The following CAPN9 variants were observed in gnomAD, a reference collection of about 807,000 sequenced individuals.
CAPN9 encodes the protein calpain-9.
Under a neutral mutation model 92.8 loss-of-function variants are expected in CAPN9, and 81 were observed. The observed-to-expected ratio is 0.87, with a 90% confidence interval of 0.73 to 1.05. CAPN9 has a LOEUF of 1.05. CAPN9 is among the 50% of genes least tolerant of loss of function. CAPN9 has a pLI of 0.00. For missense variants in CAPN9, 848 were observed against 866.2 expected, an observed-to-expected ratio of 0.98 and a Z score of 0.26; for synonymous variants, 304 against 328.0, an observed-to-expected ratio of 0.93 and a Z score of 0.79.
chr1:230,752,921 C>T (rs1376901383), intron 1 of CAPN9, among the ~76,000 whole-genome samples: 1 of 152,194 alleles, frequency 6.6e-6, no homozygotes, highest in African/African-American at 2.4e-5. Flanking sequence ...AACCCTACTG[C>T]TGAGCGGGGC....
intron 18 of CAPN9, among the ~76,000 whole-genome samples, chr1:230,797,334 A>T (rs1668421490): frequency 6.6e-6 from 1 of 152,172 alleles, no homozygotes. Context: ...CAGCTGATAG[A>T]CTTGTTTTTA....
intron 4 of CAPN9, among the ~76,000 whole-genome samples, chr1:230,765,102 G>C (rs1665887273): frequency 6.6e-6 from 1 of 151,844 alleles, no homozygotes. Flanking sequence ...GCTGATTCTA[G>C]GACTGGGGCA....
In CAPN9 at chr1:230,762,740, G is replaced by A. The variant is rs28359632; in HGVS notation, c.490G>A (p.Asp164Asn). ...RDRLVFLHSA[D>N]HNEFWSALLE... is the part of the protein sequence containing the mutation. ...CCGCTTGGTTTTCCTCCACTCTGCC[G>A]ACCACAACGAGTTCTGGAGCGCCTT... Residue 164 changes from aspartate to asparagine, a missense_variant, in exon 4 of 20, where the codon GAC becomes AAC. Physicochemically the swap from Asp to Asn is conservative, Grantham distance 23 (BLOSUM62 1). Coordinates refer to ENST00000271971, the MANE Select transcript of CAPN9 (RefSeq NM_006615.3). The A allele has an allele frequency of 2.9e-3, 4,718 of 1,614,074 alleles. 58 individuals are homozygous for A. The African/African-American group carries it at 0.034, about 12-fold the overall frequency.
intron 4 of CAPN9, among the ~76,000 whole-genome samples, chr1:230,764,511 G>A (rs944849879): frequency 2.6e-5 from 4 of 152,194 alleles, no homozygotes; most frequent in Admixed American, 1.3e-4. Flanking sequence ...CTTGGCGTCC[G>A]TAACTATGAG....
At chr1:230,790,095 C>T (rs907237900) in intron 13 of CAPN9, 37 bp from the exon 14 acceptor site, 2 of 1,544,632 alleles carry the variant, frequency 1.3e-6, no homozygotes, top group Non-Finnish European at 1.8e-6. Context: ...AAGAAGGTGC[C>T]AAGGGCTATA....
intron 18 of CAPN9, 127 bp downstream of exon 18, chr1:230,795,406 T>C: frequency 1.6e-6 from 1 of 640,382 alleles, no homozygotes; most frequent in Non-Finnish European, 2.8e-6. Context: ...TGGTCTGATG[T>C]GTGTGGACCC....
intron 19 of CAPN9, among the ~76,000 whole-genome samples, chr1:230,800,488 A>G (rs772082477): frequency 2.4e-4 from 37 of 152,264 alleles, no homozygotes; most frequent in Middle Eastern, 6.8e-3. Context: ...CCAGAGCACC[A>G]GCAGTGTGGA....
At chr1:230,754,197 G>C (rs28359591) in intron 1 of CAPN9, among the ~76,000 whole-genome samples, 1 of 152,022 alleles carries the variant, frequency 6.6e-6, no homozygotes, top group Non-Finnish European at 1.5e-5. Context: ...ACCAGGGCAG[G>C]GGCTTTCCCT....
rs763285582 is a variant in CAPN9 at position 230,780,571 on chromosome 1, G to A, written c.1344G>A (p.Thr448=). ...RYHASRARSK[T]FINLREVSDR... ...ACGCTTCTCGGGCCAGAAGCAAGAC[G>A]TTCATCAACCTGAGAGAAGTCTCCG... is the stretch of plus-strand genomic sequence containing the variant. Residue 448 remains threonine, a synonymous_variant, in exon 11 of 20, where the codon ACG becomes ACA. Coordinates refer to ENST00000271971, the MANE Select transcript of CAPN9 (RefSeq NM_006615.3). The A allele has an allele frequency of 3.1e-5, 50 of 1,614,044 alleles. No individual in the cohort carries two copies. Among genetic ancestry groups the A allele is most frequent in the South Asian group, 9.9e-5 (9 of 91,092 alleles).
Position 230,787,582 on chromosome 1 carries a change from T to G in CAPN9, c.1579T>G (p.Phe527Val). 6.2e-7 allele frequency: 1 copy of G among 1,614,050 alleles called. No homozygotes were observed. Among genetic ancestry groups the G allele is most frequent in the African/African-American group, 1.3e-5 (1 of 75,032 alleles). ...TEEEQRFRAL[F>V]EQVAGEDMEV... ...GGAGGAGCAGCGGTTTCGGGCTCTGTTTGAACAAGTCGCTGGTGAGGTAGG... is the reference window on the plus strand; with the variant it reads ...GGAGGAGCAGCGGTTTCGGGCTCTGGTTGAACAAGTCGCTGGTGAGGTAGG... The change falls in exon 13 of 20, where the codon TTT (phenylalanine) becomes GTT (valine). Residue 527 changes from phenylalanine to valine, a missense_variant. Transcript: ENST00000271971.
At chr1:230,769,331 T>A in intron 6 of CAPN9, 68 bp downstream of exon 6, 2 of 1,132,106 alleles carry the variant, frequency 1.8e-6, no homozygotes, top group Non-Finnish European at 2.7e-6. Flanking sequence ...CTTAGGCATT[T>A]ATTCAGTGCA....
At chr1:230,782,228 G>A (rs1667272708) in intron 11 of CAPN9, among the ~76,000 whole-genome samples, 1 of 152,208 alleles carries the variant, frequency 6.6e-6, no homozygotes, top group East Asian at 1.9e-4. Flanking sequence ...AATCTGCTAT[G>A]ATATTGAGTA....
chr1:230,772,717 G>A (rs1402478483), intron 7 of CAPN9, among the ~76,000 whole-genome samples: 2 of 150,148 alleles, frequency 1.3e-5, no homozygotes, highest in Admixed American at 1.3e-4. Context: ...ATTCCAGCCT[G>A]GGCAACAGAG....
At chr1:230,788,850 C>T (rs59618064) in intron 13 of CAPN9, among the ~76,000 whole-genome samples, 5,611 of 152,142 alleles carry the variant, frequency 0.037, 149 homozygotes, top group Middle Eastern at 0.12. Context: ...CATGCGGGTG[C>T]GCAGAAGTTG....
At chr1:230,751,644 AAAGAAAGAAAGAAAG>A in intron 1 of CAPN9, among the ~76,000 whole-genome samples, 2 of 94,688 alleles carry the variant, frequency 2.1e-5, no homozygotes, top group African/African-American at 5.5e-5. Flanking sequence ...AGAAAGAAAG[AAAGAAAGAAAGAAAG>A]AAAGAAAGAA....
In CAPN9 at chr1:230,749,568, T is replaced by C. The variant is rs1343086734; in HGVS notation, c.213+1859T>C. ...TGGGAAATAGAGTTAGAGAAATTGATTTCCTGGGCCCCTGGTGAGCAGAGC... is the reference window on the plus strand; with the variant it reads ...TGGGAAATAGAGTTAGAGAAATTGACTTCCTGGGCCCCTGGTGAGCAGAGC... On this transcript the variant is annotated intron_variant, in intron 1 of 19. Transcript: ENST00000271971. Among the ~76,000 whole-genome samples the C allele has an allele frequency of 3.3e-5, 5 of 152,266 alleles. No homozygotes were observed. In the South Asian group the frequency reaches 8.3e-4, roughly 25 times the overall value.
intron 19 of CAPN9, among the ~76,000 whole-genome samples, chr1:230,798,454 A>T (rs1306784606): frequency 6.6e-6 from 1 of 152,234 alleles, no homozygotes; most frequent in Non-Finnish European, 1.5e-5. Flanking sequence ...GCAGGGTGGA[A>T]ACTGAGGCAT....
chr1:230,772,851 G>T (rs1666480633), intron 7 of CAPN9, among the ~76,000 whole-genome samples: 2 of 151,600 alleles, frequency 1.3e-5, no homozygotes, highest in Non-Finnish European at 2.9e-5. Context: ...ATCAAGAAAG[G>T]TCTGCCTTTT....
At chr1:230,771,090 A>C (rs1572043052) in intron 6 of CAPN9, among the ~76,000 whole-genome samples, 1 of 152,180 alleles carries the variant, frequency 6.6e-6, no homozygotes, top group Non-Finnish European at 1.5e-5. Context: ...GAAACCTCTC[A>C]TCATCTTGGT....
Sources: gnomAD v4.1 joint callset for allele counts (sites outside exome capture counted in the v4.1 genomes callset) on GRCh38, gnomAD v4.1.1 for gene constraint, MANE v1.5 for transcripts, NCBI Gene and HGNC (gene_info 2026-07-23, HGNC 2026-07-21) for gene names.